The following CDH19 variants were observed in gnomAD, a reference collection of about 807,000 sequenced individuals.
CDH19 encodes cadherin 19, also known as cadherin-19.
In CDH19, 67 loss-of-function variants were observed where a neutral mutation model predicts 64.2. The ratio of observed to expected loss-of-function variants is 1.04; its 90% CI spans 0.86 to 1.28. The LOEUF (loss-of-function observed/expected upper bound fraction) is 1.28, where lower values mean the gene tolerates loss of function less well. CDH19 is among the 50% of genes most tolerant of loss of function. The pLI is 0.00. For missense variants in CDH19, 1,030 were observed against 929.0 expected, an observed-to-expected ratio of 1.11 and a Z score of -1.41; for synonymous variants, 346 against 319.3, an observed-to-expected ratio of 1.08 and a Z score of -0.89.
At chr18:66,537,954 C>A (rs1986738253) in intron 7 of CDH19, among the ~76,000 whole-genome samples, 2 of 152,078 alleles carry the variant, frequency 1.3e-5, no homozygotes, top group African/African-American at 4.8e-5. Context: ...CCTCAGATTT[C>A]AATCCAGTGT....
intron 3 of CDH19, among the ~76,000 whole-genome samples, chr18:66,555,819 A>C (rs1358336607): frequency 6.6e-6 from 1 of 151,728 alleles, no homozygotes; most frequent in Non-Finnish European, 1.5e-5. Flanking sequence ...CCTTCTATGC[A>C]CCGATCCACT....
At chr18:66,597,164 A>AAAAAAAAAAAAAT (rs1471682772) in intron 1 of CDH19, among the ~76,000 whole-genome samples, 10 of 118,348 alleles carry the variant, frequency 8.4e-5, no homozygotes, top group Non-Finnish European at 1.6e-4. Context: ...TCTTAAGTTA[A>AAAAAAAAAAAAAT]AAAAAAAAAA....
intron 11 of CDH19, among the ~76,000 whole-genome samples, chr18:66,507,128 A>G (rs1568168961): frequency 6.6e-6 from 1 of 151,956 alleles, no homozygotes. Flanking sequence ...CTGTATCTAT[A>G]GGTAGCTCAG....
At chr18:66,510,751 C>T (rs1326741838) in intron 10 of CDH19, among the ~76,000 whole-genome samples, 1 of 151,218 alleles carries the variant, frequency 6.6e-6, no homozygotes, top group Non-Finnish European at 1.5e-5. Flanking sequence ...ATTTGAGTTT[C>T]CTCCCCGGGG....
At chr18:66,563,329 C>A (rs987338653) in intron 3 of CDH19, among the ~76,000 whole-genome samples, 2 of 151,806 alleles carry the variant, frequency 1.3e-5, no homozygotes, top group Non-Finnish European at 2.9e-5. Context: ...ATTTTGAATT[C>A]AATAGTAAGG....
chr18:66,515,085 C>T (rs1985675354), intron 9 of CDH19, among the ~76,000 whole-genome samples: 1 of 151,378 alleles, frequency 6.6e-6, no homozygotes, highest in African/African-American at 2.4e-5. Flanking sequence ...CTCATCAATT[C>T]CTTGAAGTGC....
chr18:66,559,547 ATTAAAG>A (rs927731047), intron 3 of CDH19, among the ~76,000 whole-genome samples: 1 of 150,632 alleles, frequency 6.6e-6, no homozygotes, highest in African/African-American at 2.4e-5. Flanking sequence ...AAACTAAATA[ATTAAAG>A]TTAATAATAT....
chr18:66,541,056 C>T (rs532918737), intron 7 of CDH19, among the ~76,000 whole-genome samples: 2 of 152,140 alleles, frequency 1.3e-5, no homozygotes, highest in East Asian at 3.9e-4. Context: ...TAAAAATTGA[C>T]ATGTAGTTTG....
intron 8 of CDH19, among the ~76,000 whole-genome samples, chr18:66,533,709 C>A (rs1203494505): frequency 1.3e-5 from 2 of 151,882 alleles, no homozygotes. Context: ...AGACTAAGCA[C>A]AACGAACTTC....
chr18:66,551,056 T>C, intron 5 of CDH19, 38 bp downstream of exon 5: 1 of 1,172,722 alleles, frequency 8.5e-7, no homozygotes, highest in Non-Finnish European at 1.2e-6. Flanking sequence ...ACACTCATAT[T>C]TATAATGTAA....
chr18:66,521,425 CAA>C (rs978116797), intron 9 of CDH19, among the ~76,000 whole-genome samples: 1 of 152,112 alleles, frequency 6.6e-6, no homozygotes, highest in Non-Finnish European at 1.5e-5. Flanking sequence ...TATCAACCAG[CAA>C]ATATTCTTGC....
chr18:66,574,962 G>T (rs1988223438), intron 1 of CDH19, among the ~76,000 whole-genome samples: 1 of 151,806 alleles, frequency 6.6e-6, no homozygotes, highest in African/African-American at 2.4e-5. Context: ...GAGATCAGCT[G>T]AATTGAAAGA....
chr18:66,584,330 A>G (rs966237435), intron 1 of CDH19, among the ~76,000 whole-genome samples: 5 of 151,992 alleles, frequency 3.3e-5, no homozygotes, highest in Non-Finnish European at 2.9e-5. Context: ...ATTATGAAAA[A>G]CTCAAAAATA....
Position 66,504,603 on chromosome 18 carries a change from G to C in CDH19, c.*209C>G, listed in dbSNP as rs114978395. ...AATCTGGTTGTATTGATGCCTGTGA[G>C]CTGATTGTTTACATTTCTCCCCACA... On this transcript the variant is annotated 3_prime_UTR_variant, in exon 12 of 12. Transcript: ENST00000262150. The C allele has an allele frequency of 1.5e-3, 722 of 470,416 alleles. 3 individuals are homozygous for C. Among genetic ancestry groups the C allele is most frequent in the African/African-American group, 0.013 (675 of 52,340 alleles). 29.1% of individuals were successfully genotyped at this position (470,416 alleles called of 1,614,324 possible).
At chr18:66,541,730 C>T (rs938689711) in intron 7 of CDH19, among the ~76,000 whole-genome samples, 31 of 152,104 alleles carry the variant, frequency 2.0e-4, no homozygotes, top group South Asian at 1.0e-3. Flanking sequence ...ATCATTAAAA[C>T]GTGTTTTTTG....
At chr18:66,572,784 T>A (rs997090335) in intron 1 of CDH19, among the ~76,000 whole-genome samples, 7 of 151,748 alleles carry the variant, frequency 4.6e-5, no homozygotes, top group African/African-American at 1.7e-4. Flanking sequence ...TATGTAGTAA[T>A]TAAATAGACA....
At position 66,508,996 on chromosome 18, in the gene CDH19, A is replaced by T; in HGVS notation, c.1827T>A (p.Phe609Leu). The change falls in exon 11 of 12, where the codon TTT becomes TTA. Residue 609 changes from phenylalanine (F) to leucine (L), a missense_variant and splice_region_variant. Phe to Leu is a conservative substitution (Grantham distance 22, BLOSUM62 0). Coordinates refer to ENST00000262150, the MANE Select transcript of CDH19 (RefSeq NM_021153.4). ...IAILICIMII[F>L]GFIFLTLGLK... is the part of the protein sequence containing the mutation. ...ATAGCAATGATGACTTCTACCTACCAAATATGATCATAATGCAAATGAGAA... is the reference window on the plus strand; with the variant it reads ...ATAGCAATGATGACTTCTACCTACCTAATATGATCATAATGCAAATGAGAA... 6.2e-7 allele frequency: 1 copy of T among 1,605,380 alleles called. No individual in the cohort carries two copies. Among genetic ancestry groups the T allele is most frequent in the Non-Finnish European group, 8.5e-7 (1 of 1,172,852 alleles).
chr18:66,564,319 T>C (rs990338336), intron 3 of CDH19, among the ~76,000 whole-genome samples: 6 of 151,872 alleles, frequency 4.0e-5, no homozygotes, highest in African/African-American at 7.2e-5. Context: ...AATGCCAAAA[T>C]AAGCTTCCTT....
chr18:66,507,676 G>A (rs1029301365), intron 11 of CDH19, among the ~76,000 whole-genome samples: 1 of 151,626 alleles, frequency 6.6e-6, no homozygotes, highest in Non-Finnish European at 1.5e-5. Context: ...TCTTTTACTG[G>A]GATTTCTTTC....
Sources: allele counts gnomAD v4.1 joint callset (sites outside exome capture counted in the v4.1 genomes callset), GRCh38; gene constraint gnomAD v4.1.1; transcripts MANE v1.5; gene names NCBI Gene and HGNC (gene_info 2026-07-23, HGNC 2026-07-21).